HSD17B4: variants seen among roughly 807,000 people sequenced by gnomAD.
HSD17B4 encodes the protein peroxisomal multifunctional enzyme type 2.
Under a neutral mutation model 101.0 loss-of-function variants are expected in HSD17B4, and 70 were observed. The ratio of observed to expected loss-of-function variants is 0.69; its 90% CI spans 0.57 to 0.85. The LOEUF is 0.85. Among genes scored for constraint, HSD17B4 ranks in the 40% least tolerant of loss-of-function variants. HSD17B4 has a pLI of 0.00. For synonymous variants in HSD17B4, 347 were observed against 297.1 expected (o/e 1.17, Z -1.73); for missense variants, 984 against 892.4 (o/e 1.10, Z -1.31).
intron 18 of HSD17B4, 112 bp from the exon 19 acceptor site, chr5:119,525,805 A>T: frequency 1.4e-6 from 1 of 739,504 alleles, no homozygotes; most frequent in Non-Finnish European, 2.5e-6. Context: ...AATAGATGGT[A>T]TAATTCCTGC....
chr5:119,456,588 C>A (rs1240944189), intron 2 of HSD17B4: 3 of 548,322 alleles, frequency 5.5e-6, no homozygotes, highest in Admixed American at 6.2e-5. Context: ...GAATTGATAA[C>A]GAAGGGCTAG....
intron 8 of HSD17B4, among the ~76,000 whole-genome samples, chr5:119,484,815 T>C (rs892721359): frequency 3.3e-5 from 5 of 152,022 alleles, no homozygotes; most frequent in Non-Finnish European, 5.9e-5. Flanking sequence ...GAATACCTAT[T>C]TGGACCTGAG....
intron 8 of HSD17B4, among the ~76,000 whole-genome samples, chr5:119,480,678 A>G (rs1032567866): frequency 3.9e-5 from 6 of 152,154 alleles, no homozygotes; most frequent in African/African-American, 1.4e-4. Context: ...TTTGAGATCA[A>G]CCGGTCTGAC....
intron 6 of HSD17B4, chr5:119,476,485 A>G (rs2678070): frequency 0.49 from 390,445 of 799,560 alleles, 97,046 homozygotes; most frequent in East Asian, 0.92. Flanking sequence ...GACAGAGGGA[A>G]GCATGGCAAC....
intron 17 of HSD17B4, among the ~76,000 whole-genome samples, chr5:119,518,597 G>C (rs556123796): frequency 6.6e-6 from 1 of 152,290 alleles, no homozygotes; most frequent in Admixed American, 6.5e-5. Flanking sequence ...TGTGTATAAG[G>C]GGTAAGAATT....
intron 17 of HSD17B4, among the ~76,000 whole-genome samples, chr5:119,517,236 G>A (rs1404206951): frequency 6.6e-6 from 1 of 152,240 alleles, no homozygotes; most frequent in Non-Finnish European, 1.5e-5. Flanking sequence ...GCAATGAGGG[G>A]CTTAGCACCC....
intron 16 of HSD17B4, among the ~76,000 whole-genome samples, chr5:119,513,351 T>G (rs990525997): frequency 6.6e-6 from 1 of 152,198 alleles, no homozygotes; most frequent in African/African-American, 2.4e-5. Context: ...ACATGCTATT[T>G]GTTTTTCCTT....
At chr5:119,463,379 A>G (rs913604100) in intron 2 of HSD17B4, among the ~76,000 whole-genome samples, 2 of 152,140 alleles carry the variant, frequency 1.3e-5, no homozygotes, top group Admixed American at 1.3e-4. Context: ...ATACCCAGCA[A>G]TGGGATTAAT....
intron 2 of HSD17B4, chr5:119,456,671 C>T (rs1005830719): frequency 7.2e-6 from 3 of 419,116 alleles, no homozygotes; most frequent in African/African-American, 2.0e-5. Flanking sequence ...CGCTTGAGAC[C>T]AGGAGTTCGA....
In HSD17B4 at chr5:119,478,865, T is replaced by C. The variant is rs2126702600; in HGVS notation, c.466T>C (p.Tyr156His). The C allele has an allele frequency of 3.7e-6, 6 of 1,613,642 alleles. No individual in the cohort carries two copies. Among genetic ancestry groups the C allele is most frequent in the Non-Finnish European group, 5.1e-6 (6 of 1,179,646 alleles). The change falls in exon 8 of 24, where the codon TAT becomes CAT. Residue 156 changes from tyrosine to histidine, a missense_variant. Physicochemically the swap from Tyr to His is moderately conservative, Grantham distance 83 (BLOSUM62 2). Transcript: ENST00000510025. The stretch of plus-strand genomic sequence containing the variant: ...TATGACTTCATCAGCTTCAGGAATA[T>C]ATGGCAACTTTGGCCAGGCCAATTA... ...IIMTSSASGI[Y>H]GNFGQANYSA... is the part of the protein sequence containing the mutation.
intron 17 of HSD17B4, among the ~76,000 whole-genome samples, chr5:119,522,703 A>G (rs991188920): frequency 1.2e-4 from 19 of 152,076 alleles, no homozygotes; most frequent in African/African-American, 3.9e-4. Flanking sequence ...AAAATAAATT[A>G]TCTTTCAGGA....
At chr5:119,472,068 A>G (rs1484403451) in intron 2 of HSD17B4, among the ~76,000 whole-genome samples, 1 of 152,198 alleles carries the variant, frequency 6.6e-6, no homozygotes, top group East Asian at 1.9e-4. Context: ...AAACATATGA[A>G]CATGGAGTTA....
At chr5:119,498,352 A>G (rs1301686057) in intron 12 of HSD17B4, among the ~76,000 whole-genome samples, 2 of 152,200 alleles carry the variant, frequency 1.3e-5, no homozygotes, top group African/African-American at 2.4e-5. Flanking sequence ...ATTCTAGTAC[A>G]TATTCTTTCT....
chr5:119,465,016 G>C (rs984211113), intron 2 of HSD17B4, among the ~76,000 whole-genome samples: 2 of 151,674 alleles, frequency 1.3e-5, no homozygotes, highest in Admixed American at 6.6e-5. Flanking sequence ...GTGAATTTTA[G>C]GATTTTTTTT....
intron 9 of HSD17B4, among the ~76,000 whole-genome samples, chr5:119,490,992 C>T (rs561415649): frequency 6.6e-6 from 1 of 152,250 alleles, no homozygotes; most frequent in South Asian, 2.1e-4. Context: ...ATTTAGCATG[C>T]ATGATTGATA....
intron 4 of HSD17B4, among the ~76,000 whole-genome samples, chr5:119,474,989 A>C (rs1407161667): frequency 6.6e-6 from 1 of 152,132 alleles, no homozygotes; most frequent in Non-Finnish European, 1.5e-5. Context: ...TTATTTAACT[A>C]CTAGATGGAG....
chr5:119,525,390 T>TA (rs146163821), intron 18 of HSD17B4, 105 bp downstream of exon 18: 7 of 745,066 alleles, frequency 9.4e-6, no homozygotes, highest in African/African-American at 1.8e-5. Context: ...GAGTAGCATT[T>TA]AAAAAAATGT....
chr5:119,493,160 C>T (rs946539431), intron 10 of HSD17B4: 13 of 152,248 alleles, frequency 8.5e-5, no homozygotes, highest in Non-Finnish European at 1.8e-4. Flanking sequence ...GTTTAACAAT[C>T]ATCAGTGTCT....
chr5:119,535,232 T>A (rs1192669127), intron 22 of HSD17B4, among the ~76,000 whole-genome samples: 1 of 151,774 alleles, frequency 6.6e-6, no homozygotes, highest in Non-Finnish European at 1.5e-5. Flanking sequence ...AAGATCAATA[T>A]CAGGAGATTA....
Sources: allele counts gnomAD v4.1 joint callset (sites outside exome capture counted in the v4.1 genomes callset), GRCh38; gene constraint gnomAD v4.1.1; transcripts MANE v1.5; gene names NCBI Gene and HGNC (gene_info 2026-07-23, HGNC 2026-07-21).